The following NRXN1 variants were observed in gnomAD, a reference collection of about 807,000 sequenced individuals.
The protein encoded by NRXN1 is neurexin-1.
A neutral mutation model predicts 150.9 loss-of-function variants in NRXN1; 39 were observed. The observed-to-expected ratio is 0.26, with a 90% CI of 0.20 to 0.34. NRXN1 has a LOEUF of 0.34. NRXN1 is among the 10% of genes least tolerant of loss of function. The pLI is 1.00. For synonymous variants in NRXN1, 924 were observed against 757.0 expected, an observed-to-expected ratio of 1.22 and a Z score of -3.62; for missense variants, 1,815 against 1,949.9, an observed-to-expected ratio of 0.93 and a Z score of 1.30.
At chr2:50,097,572 T>C (rs779615312) in intron 18 of NRXN1, among the ~76,000 whole-genome samples, 1 of 152,128 alleles carries the variant, frequency 6.6e-6, no homozygotes, top group Non-Finnish European at 1.5e-5. Flanking sequence ...CTGCAGACAG[T>C]ATCAGAGAGC....
chr2:50,138,280 A>C (rs757681536), intron 18 of NRXN1, among the ~76,000 whole-genome samples: 2 of 152,126 alleles, frequency 1.3e-5, no homozygotes, highest in Non-Finnish European at 2.9e-5. Flanking sequence ...CATGTAAGGC[A>C]TCTCTGAATT....
At chr2:50,641,832 T>C (rs1052548672) in intron 5 of NRXN1, among the ~76,000 whole-genome samples, 1 of 152,224 alleles carries the variant, frequency 6.6e-6, no homozygotes, top group Middle Eastern at 3.4e-3. Flanking sequence ...CAGAGCACTT[T>C]TGGATGCTGC....
chr2:50,447,896 GC>G (rs1262197137), intron 17 of NRXN1, among the ~76,000 whole-genome samples: 1 of 150,648 alleles, frequency 6.6e-6, no homozygotes, highest in Non-Finnish European at 1.5e-5. Context: ...GATGGCAGAA[GC>G]CCCCCATGGG....
intron 1 of NRXN1, among the ~76,000 whole-genome samples, chr2:51,030,984 C>T (rs1671456080): frequency 6.6e-6 from 1 of 151,936 alleles, no homozygotes; most frequent in African/African-American, 2.4e-5. Context: ...CTGCCCTCCT[C>T]CACTAATGCA....
Position 50,990,647 on chromosome 2 carries a change from T to C in NRXN1, c.772+36855A>G, listed in dbSNP as rs7599629. 8.1e-3 allele frequency among the ~76,000 whole-genome samples: 1,235 copies of C among 152,142 alleles called. 12 individuals are homozygous for C. The highest frequency in any genetic ancestry group is 0.028 in the African/African-American group (1,162 of 41,542). On this transcript the variant is annotated intron_variant, in intron 2 of 22. Coordinates refer to ENST00000401669, the MANE Select transcript of NRXN1 (RefSeq NM_001330078.2). ...CTCTTCTCTCCATTCTTAATACTTT[T>C]CCAGTTTGGGTTTGGGCCTACATTC...
At position 50,916,617 on chromosome 2, in the gene NRXN1, C is replaced by T. The variant is rs1372348500; in HGVS notation, c.832+5252G>A. ...ATTTGCAACATATTTCAGTAAAACG[C>T]ATCTAAGTTTCTATTCATACCACCT... On this transcript the variant is annotated intron_variant, in intron 5 of 22. Coordinates refer to ENST00000401669, the MANE Select transcript of NRXN1 (RefSeq NM_001330078.2). 2.0e-5 allele frequency among the ~76,000 whole-genome samples: 3 copies of T among 151,530 alleles called. No individual in the cohort carries two copies. In the East Asian group the frequency reaches 5.8e-4, roughly 30 times the overall value.
At chr2:50,130,997 C>A (rs930970132) in intron 18 of NRXN1, among the ~76,000 whole-genome samples, 1 of 152,126 alleles carries the variant, frequency 6.6e-6, no homozygotes, top group Non-Finnish European at 1.5e-5. Context: ...TTAAGTATAT[C>A]TTTATTGGTA....
intron 19 of NRXN1, among the ~76,000 whole-genome samples, chr2:50,073,401 C>T (rs1272135924): frequency 6.6e-6 from 1 of 152,156 alleles, no homozygotes; most frequent in Non-Finnish European, 1.5e-5. Context: ...ATTACCTCTC[C>T]TCAGTCTCTT....
At chr2:50,563,074 T>C (rs10207707) in intron 8 of NRXN1, among the ~76,000 whole-genome samples, 47,327 of 152,064 alleles carry the variant, frequency 0.31, 7,786 homozygotes, top group East Asian at 0.53. Context: ...AAGCAATCAC[T>C]GAATATTTTT....
Position 50,347,125 on chromosome 2 carries a change from G to C in NRXN1, c.3365-110155C>G, listed in dbSNP as rs2078061493. ...CAGTCTTCTCGGGGTCCTGGAGTCC[G>C]CCGTGCCTAGCACCCCAAACAATCC... On this transcript the variant is annotated intron_variant, in intron 17 of 22. Coordinates refer to ENST00000401669, the MANE Select transcript of NRXN1 (RefSeq NM_001330078.2). This position sits in a 1 kb window ranked among gnomAD's most constrained non-coding sequence, Gnocchi z 4.9. 1 of 1,384,054 alleles carries C rather than the reference G, an allele frequency of 7.2e-7. No homozygotes were observed. The highest frequency in any genetic ancestry group is 1.2e-5 in the South Asian group (1 of 81,822). 85.7% of individuals were successfully genotyped at this position (1,384,054 alleles called of 1,614,324 possible). A position where few individuals can be genotyped will look rare whatever the true frequency, so the allele number is the denominator to read the frequency against.
intron 18 of NRXN1, among the ~76,000 whole-genome samples, chr2:50,125,539 G>C: frequency 6.6e-6 from 1 of 151,998 alleles, no homozygotes; most frequent in East Asian, 1.9e-4. Context: ...AAACTGAAAA[G>C]ACAGATGAAA....
chr2:50,836,840 TA>T (rs369557045), intron 5 of NRXN1, among the ~76,000 whole-genome samples: 3,582 of 114,022 alleles, frequency 0.031, 88 homozygotes, highest in African/African-American at 0.094. Context: ...ATCATAATTG[TA>T]AAAAAAAAAA....
chr2:50,956,455 A>G (rs570384701), intron 2 of NRXN1, among the ~76,000 whole-genome samples: 124 of 152,190 alleles, frequency 8.1e-4, no homozygotes, highest in African/African-American at 2.7e-3. Flanking sequence ...TACACTTTAA[A>G]AGTAAGATTT....
chr2:50,293,292 T>C (rs982261614), intron 17 of NRXN1, among the ~76,000 whole-genome samples: 6 of 152,042 alleles, frequency 3.9e-5, no homozygotes, highest in African/African-American at 1.4e-4. Context: ...AACATGCCCA[T>C]ATAGTTATAT....
At chr2:50,529,500 G>T (rs967000591) in intron 11 of NRXN1, among the ~76,000 whole-genome samples, 11 of 152,176 alleles carry the variant, frequency 7.2e-5, no homozygotes, top group Admixed American at 3.9e-4. Flanking sequence ...ATTTTTAAAA[G>T]ACTGTAGGAT....
At chr2:49,980,525 A>G (rs1463582855) in intron 21 of NRXN1, among the ~76,000 whole-genome samples, 1 of 152,194 alleles carries the variant, frequency 6.6e-6, no homozygotes, top group Non-Finnish European at 1.5e-5. Flanking sequence ...AGAGAGGAAA[A>G]ATGCAGATGA....
intron 17 of NRXN1, among the ~76,000 whole-genome samples, chr2:50,372,185 T>C (rs1192911927): frequency 6.6e-6 from 1 of 152,060 alleles, no homozygotes; most frequent in African/African-American, 2.4e-5. Flanking sequence ...AAGAAACACA[T>C]TTCAGTTTGT....
intron 19 of NRXN1, among the ~76,000 whole-genome samples, chr2:50,067,255 C>T (rs893660688): frequency 9.2e-5 from 14 of 152,164 alleles, no homozygotes; most frequent in African/African-American, 3.4e-4. Flanking sequence ...TCCTTCACAT[C>T]CCTCTCTTAT....
chr2:50,207,022 G>A (rs1401331586), intron 18 of NRXN1, among the ~76,000 whole-genome samples: 1 of 151,772 alleles, frequency 6.6e-6, no homozygotes, highest in African/African-American at 2.4e-5. Context: ...AAAAACAGCT[G>A]CTCTTCTAGC....
Sources: gnomAD v4.1 joint callset for allele counts (sites outside exome capture counted in the v4.1 genomes callset) on GRCh38, gnomAD v4.1.1 for gene constraint, Gnocchi (gnomAD v3.1) non-coding constraint, MANE v1.5 for transcripts, NCBI Gene and HGNC (gene_info 2026-07-23, HGNC 2026-07-21) for gene names.